ARHGAP42: variants seen among roughly 807,000 people sequenced by gnomAD.
ARHGAP42 encodes the protein Rho GTPase activating protein 42, also known as rho GTPase-activating protein 42.
A neutral mutation model predicts 125.0 loss-of-function variants in ARHGAP42; 63 were observed. The ratio of observed to expected loss-of-function variants is 0.50; its 90% confidence interval spans 0.41 to 0.62. The LOEUF (loss-of-function observed/expected upper bound fraction) is 0.62, where lower values mean the gene tolerates loss of function less well. Ranked by LOEUF, ARHGAP42 falls within the 20% of genes least tolerant of loss-of-function variation. ARHGAP42 has a pLI of 0.00. For missense variants in ARHGAP42, 766 were observed against 1,024.2 expected, an observed-to-expected ratio of 0.75 and a Z score of 3.44; for synonymous variants, 339 against 351.0, an observed-to-expected ratio of 0.97 and a Z score of 0.38.
intron 1 of ARHGAP42, among the ~76,000 whole-genome samples, chr11:100,756,013 G>C (rs1862568617): frequency 6.6e-6 from 1 of 151,880 alleles, no homozygotes. Context: ...AAAATATAAA[G>C]GTACACTATG....
At chr11:100,724,858 C>G (rs1414645767) in intron 1 of ARHGAP42, among the ~76,000 whole-genome samples, 1 of 149,426 alleles carries the variant, frequency 6.7e-6, no homozygotes, top group Non-Finnish European at 1.5e-5. Context: ...TTTTTTGCTG[C>G]TTGCTTTAGC....
At position 100,800,561 on chromosome 11, in the gene ARHGAP42, A is replaced by G. The variant is rs139369454; in HGVS notation, c.312+5395A>G. ...GCGACCAAGGAGAGGAAATGGCTCAAGAATGTGTTAGAGTATCTTATAAGC... is the reference window on the plus strand; with the variant it reads ...GCGACCAAGGAGAGGAAATGGCTCAGGAATGTGTTAGAGTATCTTATAAGC... On this transcript the variant is annotated intron_variant, in intron 3 of 23. Transcript: ENST00000298815. 2.8e-3 allele frequency among the ~76,000 whole-genome samples: 431 copies of G among 152,274 alleles called. 8 individuals carry two copies. The East Asian group carries it at 0.059, about 21-fold the overall frequency.
At chr11:100,709,340 A>G (rs1861525879) in intron 1 of ARHGAP42, among the ~76,000 whole-genome samples, 1 of 152,116 alleles carries the variant, frequency 6.6e-6, no homozygotes, top group Non-Finnish European at 1.5e-5. Flanking sequence ...AATACCCTGT[A>G]CTATACTCAG....
At chr11:100,970,493 G>T (rs1287158118) in intron 17 of ARHGAP42, among the ~76,000 whole-genome samples, 1 of 151,808 alleles carries the variant, frequency 6.6e-6, no homozygotes, top group Non-Finnish European at 1.5e-5. Context: ...CAGCTTGTTA[G>T]TTTTCACTAA....
intron 5 of ARHGAP42, 33 bp downstream of exon 5, chr11:100,913,586 C>A: frequency 8.7e-7 from 1 of 1,152,774 alleles, no homozygotes; most frequent in South Asian, 1.4e-5. Context: ...ATGGAAAAGG[C>A]ATTAAGTCAT....
chr11:100,829,606 T>A (rs1350739657), intron 3 of ARHGAP42, among the ~76,000 whole-genome samples: 1 of 152,222 alleles, frequency 6.6e-6, no homozygotes, highest in Non-Finnish European at 1.5e-5. Context: ...GGCCAGTGAC[T>A]GCCATATTGT....
chr11:100,969,316 G>A (rs1285695253), intron 17 of ARHGAP42, among the ~76,000 whole-genome samples: 1 of 152,024 alleles, frequency 6.6e-6, no homozygotes, highest in Non-Finnish European at 1.5e-5. Flanking sequence ...CACTTTTACT[G>A]TGATGTGTCT....
intron 22 of ARHGAP42, among the ~76,000 whole-genome samples, chr11:100,979,528 C>T (rs1039512237): frequency 1.3e-5 from 2 of 152,144 alleles, no homozygotes; most frequent in African/African-American, 4.8e-5. Flanking sequence ...TCAGATTTTA[C>T]ATTCCATTCC....
intron 4 of ARHGAP42, among the ~76,000 whole-genome samples, chr11:100,908,444 A>G (rs904792603): frequency 5.3e-5 from 8 of 152,176 alleles, no homozygotes; most frequent in African/African-American, 1.9e-4. Context: ...CACTCTGTAT[A>G]TTCATGTGTA....
chr11:100,705,761 C>A (rs1181899695), intron 1 of ARHGAP42, among the ~76,000 whole-genome samples: 2 of 152,064 alleles, frequency 1.3e-5, no homozygotes, highest in Non-Finnish European at 2.9e-5. Context: ...GAGTCAGGGT[C>A]TCACTGTGTT....
chr11:100,813,460 A>T (rs1013707548), intron 3 of ARHGAP42, among the ~76,000 whole-genome samples: 6 of 152,200 alleles, frequency 3.9e-5, no homozygotes, highest in African/African-American at 1.4e-4. Flanking sequence ...TCTTTTGGAC[A>T]TGTTAAATAT....
At chr11:100,703,515 G>T (rs1861431274) in intron 1 of ARHGAP42, among the ~76,000 whole-genome samples, 2 of 152,074 alleles carry the variant, frequency 1.3e-5, no homozygotes, top group African/African-American at 4.8e-5. Flanking sequence ...AGAAATTATT[G>T]AAATGGTAAT....
At chr11:100,841,419 C>G (rs540569252) in intron 3 of ARHGAP42, among the ~76,000 whole-genome samples, 22 of 152,076 alleles carry the variant, frequency 1.4e-4, no homozygotes, top group Non-Finnish European at 2.8e-4. Flanking sequence ...TTTGCAGTGA[C>G]AGTGGCTTTA....
intron 1 of ARHGAP42, among the ~76,000 whole-genome samples, chr11:100,709,598 CA>C (rs1368225089): frequency 1.3e-5 from 2 of 152,172 alleles, no homozygotes; most frequent in African/African-American, 2.4e-5. Context: ...TGGTGGAAAG[CA>C]AAACTGGATG....
At chr11:100,940,425 A>G (rs1044515268) in intron 8 of ARHGAP42, among the ~76,000 whole-genome samples, 4 of 152,098 alleles carry the variant, frequency 2.6e-5, no homozygotes, top group African/African-American at 7.2e-5. Flanking sequence ...TCAGTCCACT[A>G]TGGTGTTTGG....
intron 3 of ARHGAP42, among the ~76,000 whole-genome samples, chr11:100,852,442 T>C (rs1865226373): frequency 6.6e-6 from 1 of 152,178 alleles, no homozygotes; most frequent in Non-Finnish European, 1.5e-5. Flanking sequence ...ATTTTATTTT[T>C]TCAACCCAAA....
chr11:100,803,033 A>G lies in ARHGAP42; in HGVS notation c.312+7867A>G, dbSNP rs115408075. 2.6e-3 allele frequency among the ~76,000 whole-genome samples: 395 copies of G among 152,292 alleles called. 3 individuals carry two copies. The highest frequency in any genetic ancestry group is 9.2e-3 in the African/African-American group (383 of 41,566). On this transcript the variant is annotated intron_variant, in intron 3 of 23. Transcript: ENST00000298815. Reference sequence around the variant, plus strand: ...ATTCTAAGGGGAAGAAACAAACATTAAACAAATTATGTCTGGTGGTGATAA... The same window carrying G: ...ATTCTAAGGGGAAGAAACAAACATTGAACAAATTATGTCTGGTGGTGATAA...
intron 4 of ARHGAP42, among the ~76,000 whole-genome samples, chr11:100,903,716 A>T: frequency 4.4e-5 from 1 of 22,648 alleles, no homozygotes; most frequent in African/African-American, 1.2e-4. Context: ...CAAAATATAT[A>T]TATATATATA....
intron 5 of ARHGAP42, among the ~76,000 whole-genome samples, chr11:100,916,202 T>C (rs781689959): frequency 4.6e-5 from 7 of 152,220 alleles, no homozygotes; most frequent in Non-Finnish European, 1.0e-4. Context: ...GATTATAGGC[T>C]TTATAGTGGA....
Sources: gnomAD v4.1 joint callset for allele counts (sites outside exome capture counted in the v4.1 genomes callset) on GRCh38, gnomAD v4.1.1 for gene constraint, MANE v1.5 for transcripts, NCBI Gene and HGNC (gene_info 2026-07-23, HGNC 2026-07-21) for gene names.